The following ATAD2B variants were observed in gnomAD, a reference collection of about 807,000 sequenced individuals.
ATAD2B encodes the protein ATPase family AAA domain-containing protein 2B.
A neutral mutation model predicts 167.6 loss-of-function variants in ATAD2B; 40 were observed. The ratio of observed to expected loss-of-function variants is 0.24; its 90% CI spans 0.19 to 0.31. The LOEUF is 0.31. ATAD2B is among the 10% of genes least tolerant of loss of function. The pLI, the probability that ATAD2B is intolerant of heterozygous loss-of-function variation, is 1.00. For synonymous variants in ATAD2B, 579 were observed against 596.5 expected (o/e 0.97, Z 0.43); for missense variants, 1,242 against 1,757.2 (o/e 0.71, Z 5.24).
chr2:23,705,630 G>A, the ATAD2B span, among the ~76,000 whole-genome samples: 1 of 152,212 alleles, frequency 6.6e-6, no homozygotes, highest in East Asian at 1.9e-4. Context: ...AGAGAAGACT[G>A]GAAGCTTCAG....
the ATAD2B span, among the ~76,000 whole-genome samples, chr2:23,715,373 A>C: frequency 4.6e-5 from 7 of 152,256 alleles, no homozygotes; most frequent in Admixed American, 3.3e-4. Flanking sequence ...GGAGATCGAG[A>C]CCATCCTGGC....
chr2:23,754,129 A>C, intron 27 of ATAD2B, 50 bp downstream of exon 27: 2 of 1,408,846 alleles, frequency 1.4e-6, no homozygotes. Context: ...TTTCTTTGGA[A>C]CAAGTAAAAT....
At position 23,865,755 on chromosome 2, in the gene ATAD2B, C is replaced by CT. The variant is rs565149156; in HGVS notation, c.1189-832dup. On this transcript the variant is annotated intron_variant, in intron 10 of 27. Transcript: ENST00000238789. ...ATTTCTCTAGTCAGAGAGAAATTTA[C>CT]TTTTTTTTTTCTTTATGGGACAATG... is the stretch of plus-strand genomic sequence containing the variant. 6.4e-3 allele frequency among the ~76,000 whole-genome samples: 947 copies of CT among 149,096 alleles called. 2 individuals are homozygous for CT. The highest frequency in any genetic ancestry group is 9.8e-3 in the Non-Finnish European group (660 of 67,098).
chr2:23,848,471 C>T (rs1692038988), intron 13 of ATAD2B, among the ~76,000 whole-genome samples: 2 of 152,212 alleles, frequency 1.3e-5, no homozygotes, highest in Non-Finnish European at 2.9e-5. Flanking sequence ...CAGAGTGAGA[C>T]TCTGTCTCAA....
At chr2:23,771,147 C>T (rs535599139) in intron 22 of ATAD2B, among the ~76,000 whole-genome samples, 1 of 152,238 alleles carries the variant, frequency 6.6e-6, no homozygotes, top group South Asian at 2.1e-4. Flanking sequence ...ACATGCTGAT[C>T]CTGTCTCCTG....
intron 14 of ATAD2B, among the ~76,000 whole-genome samples, chr2:23,830,286 A>C (rs566721855): frequency 6.6e-6 from 1 of 152,268 alleles, no homozygotes; most frequent in African/African-American, 2.4e-5. Flanking sequence ...ACCCAGCCTA[A>C]AATAGTTTTC....
At chr2:23,681,144 G>A in the ATAD2B span, among the ~76,000 whole-genome samples, 1,755 of 152,324 alleles carry the variant, frequency 0.012, 18 homozygotes, top group Middle Eastern at 0.031. The surrounding 1 kb of genome is among the most constrained non-coding windows in gnomAD (Gnocchi z 4.2). Flanking sequence ...CTCCTGCTTC[G>A]CCGGCCGGGC....
intron 1 of ATAD2B, among the ~76,000 whole-genome samples, chr2:23,898,192 C>G (rs1216266075): frequency 2.0e-5 from 3 of 152,324 alleles, no homozygotes; most frequent in East Asian, 3.9e-4. Flanking sequence ...ATGCGCCCAC[C>G]TCAGCCTCTC....
the ATAD2B span, among the ~76,000 whole-genome samples, chr2:23,712,857 T>C: frequency 0.1 from 15,509 of 152,230 alleles, 881 homozygotes; most frequent in Middle Eastern, 0.17. Context: ...ATGGAACATA[T>C]GCAGGTCATT....
At chr2:23,811,791 T>C (rs1286416817) in intron 17 of ATAD2B, among the ~76,000 whole-genome samples, 1 of 152,132 alleles carries the variant, frequency 6.6e-6, no homozygotes, top group Non-Finnish European at 1.5e-5. Flanking sequence ...TAAATTAATC[T>C]GTTTAAGGTA....
chr2:23,869,794 T>A (rs1695651027), intron 8 of ATAD2B, 33 bp from the exon 9 acceptor site: 2 of 1,414,636 alleles, frequency 1.4e-6, no homozygotes, highest in Admixed American at 4.3e-5. Flanking sequence ...TTAAAACCAT[T>A]ATAATAGCAA....
intron 19 of ATAD2B, among the ~76,000 whole-genome samples, chr2:23,789,267 T>C (rs1681292587): frequency 6.6e-6 from 1 of 152,164 alleles, no homozygotes; most frequent in Non-Finnish European, 1.5e-5. Context: ...ACTCAGACTT[T>C]GACCCCAGGT....
intron 19 of ATAD2B, among the ~76,000 whole-genome samples, chr2:23,790,670 T>A (rs1558536824): frequency 6.6e-6 from 1 of 152,170 alleles, no homozygotes; most frequent in Non-Finnish European, 1.5e-5. Context: ...AGACAAGCCT[T>A]CCATAATTCC....
At chr2:23,914,206 C>G (rs1006380489) in intron 1 of ATAD2B, among the ~76,000 whole-genome samples, 1 of 152,112 alleles carries the variant, frequency 6.6e-6, no homozygotes, top group Non-Finnish European at 1.5e-5. Flanking sequence ...CAAAGTGGCA[C>G]CACAAAGGAC....
chr2:23,742,485 ATAGGTGGGAAT>A, the ATAD2B span, among the ~76,000 whole-genome samples: 4 of 147,264 alleles, frequency 2.7e-5, no homozygotes, highest in Non-Finnish European at 4.5e-5. Context: ...GTTCTCACTC[ATAGGTGGGAAT>A]TGAACAATGA....
chr2:23,834,548 G>A (rs1023443845), intron 13 of ATAD2B, among the ~76,000 whole-genome samples: 1 of 150,606 alleles, frequency 6.6e-6, no homozygotes, highest in South Asian at 2.1e-4. Flanking sequence ...ATTTTCAAAG[G>A]CATTCAGAAA....
chr2:23,889,051 T>C (rs1189492472), intron 2 of ATAD2B, among the ~76,000 whole-genome samples: 4 of 152,198 alleles, frequency 2.6e-5, no homozygotes, highest in African/African-American at 9.7e-5. Flanking sequence ...TGCTGCATAA[T>C]AAAAGAGTTG....
chr2:23,684,037 C>T, the ATAD2B span, among the ~76,000 whole-genome samples: 7 of 152,236 alleles, frequency 4.6e-5, no homozygotes, highest in East Asian at 5.8e-4. The surrounding 1 kb of genome is among the most constrained non-coding windows in gnomAD (Gnocchi z 4.4). Context: ...GAACTTGCTC[C>T]GTAGTTATTT....
intron 27 of ATAD2B, among the ~76,000 whole-genome samples, chr2:23,753,421 C>A (rs921362911): frequency 1.3e-5 from 2 of 152,074 alleles, no homozygotes; most frequent in African/African-American, 4.8e-5. Context: ...GATAGACCAC[C>A]AGATAAACAA....
Sources: allele counts gnomAD v4.1 joint callset (sites outside exome capture counted in the v4.1 genomes callset), GRCh38; gene constraint gnomAD v4.1.1; non-coding constraint Gnocchi (gnomAD v3.1); transcripts MANE v1.5; gene names NCBI Gene and HGNC (gene_info 2026-07-23, HGNC 2026-07-21).